The following ZPBP variants were observed in gnomAD, a reference collection of about 807,000 sequenced individuals.
ZPBP encodes the protein zona pellucida-binding protein 1.
ZPBP carries 26 observed loss-of-function variants against 44.8 expected under a neutral mutation model. That is an observed-to-expected ratio of 0.58 (90% confidence interval 0.43 to 0.81). The LOEUF (loss-of-function observed/expected upper bound fraction) is 0.81, where lower values mean the gene tolerates loss of function less well. Ranked by LOEUF, ZPBP falls within the 30% of genes least tolerant of loss-of-function variation. The probability of loss-of-function intolerance (pLI) is 0.00; values close to 1 mark genes in which losing one functional copy is unlikely to be tolerated. For synonymous variants in ZPBP, 174 were observed against 153.2 expected, an observed-to-expected ratio of 1.14 and a Z score of -1.00; for missense variants, 409 against 434.0, an observed-to-expected ratio of 0.94 and a Z score of 0.51.
At chr7:49,878,305 T>A (rs1463358135) in intron 2 of ZPBP, among the ~76,000 whole-genome samples, 1 of 152,160 alleles carries the variant, frequency 6.6e-6, no homozygotes, top group African/African-American at 2.4e-5. Context: ...CTCACATATT[T>A]ATGATTGTGT....
At chr7:49,992,010 C>T (rs1168937412) in intron 6 of ZPBP, among the ~76,000 whole-genome samples, 1 of 152,012 alleles carries the variant, frequency 6.6e-6, no homozygotes, top group African/African-American at 2.4e-5. Context: ...GAGAAAACTA[C>T]AAACCTAACG....
chr7:49,879,592 G>A (rs1251175395), intron 2 of ZPBP, among the ~76,000 whole-genome samples: 2 of 152,088 alleles, frequency 1.3e-5, no homozygotes, highest in Non-Finnish European at 2.9e-5. Flanking sequence ...GCACTTCTGG[G>A]TCCTGACCCA....
At chr7:50,009,630 A>C (rs527764373) in intron 6 of ZPBP, among the ~76,000 whole-genome samples, 1 of 152,194 alleles carries the variant, frequency 6.6e-6, no homozygotes, top group East Asian at 1.9e-4. Context: ...AACCATCCCT[A>C]AACATCTCAC....
chr7:50,056,597 A>G (rs1305184891), intron 4 of ZPBP, among the ~76,000 whole-genome samples: 1 of 152,200 alleles, frequency 6.6e-6, no homozygotes, highest in Non-Finnish European at 1.5e-5. Context: ...TCTGCCACAC[A>G]TGGGTCCCAC....
intron 7 of ZPBP, among the ~76,000 whole-genome samples, chr7:49,957,026 G>A (rs572817492): frequency 6.6e-6 from 1 of 152,246 alleles, no homozygotes; most frequent in African/African-American, 2.4e-5. Context: ...ATGAGGGCTT[G>A]GCCCTCATGA....
intron 2 of ZPBP, among the ~76,000 whole-genome samples, chr7:50,085,617 G>A (rs142106132): frequency 3.3e-5 from 5 of 152,134 alleles, no homozygotes; most frequent in African/African-American, 1.2e-4. Flanking sequence ...GGAAGACCTC[G>A]TATTAAAGGC....
intron 5 of ZPBP, among the ~76,000 whole-genome samples, chr7:50,023,206 T>C (rs533470545): frequency 6.3e-4 from 96 of 152,058 alleles, no homozygotes; most frequent in African/African-American, 2.2e-3. Context: ...GCCCTCTCAG[T>C]GTAAATTGAG....
chr7:50,024,386 G>A (rs189884538), intron 5 of ZPBP, among the ~76,000 whole-genome samples: 1 of 151,954 alleles, frequency 6.6e-6, no homozygotes, highest in Non-Finnish European at 1.5e-5. Context: ...ATTCATAACA[G>A]CCAAGATATG....
At chr7:50,013,362 C>T (rs1798672609) in intron 6 of ZPBP, among the ~76,000 whole-genome samples, 1 of 151,880 alleles carries the variant, frequency 6.6e-6, no homozygotes, top group Non-Finnish European at 1.5e-5. Context: ...TGGGAGAGCT[C>T]ATGAAGGAGA....
chr7:49,951,798 A>G (rs1468212239), intron 7 of ZPBP, among the ~76,000 whole-genome samples: 2 of 151,796 alleles, frequency 1.3e-5, no homozygotes, highest in Non-Finnish European at 3.0e-5. Context: ...TCACAGCAAC[A>G]GTATTCACAA....
intron 4 of ZPBP, among the ~76,000 whole-genome samples, chr7:50,035,357 T>A (rs1799782221): frequency 1.3e-5 from 2 of 152,224 alleles, no homozygotes. Context: ...GCCAGCACAG[T>A]TCAAGGCCAC....
chr7:49,938,099 A>G (rs1184512588), intron 7 of ZPBP, among the ~76,000 whole-genome samples: 1 of 152,172 alleles, frequency 6.6e-6, no homozygotes, highest in Non-Finnish European at 1.5e-5. Flanking sequence ...GACATAGACC[A>G]GTACTGTTCC....
intron 4 of ZPBP, among the ~76,000 whole-genome samples, chr7:50,042,289 G>T (rs551904529): frequency 8.1e-4 from 124 of 152,240 alleles, no homozygotes; most frequent in African/African-American, 2.9e-3. Flanking sequence ...AACCTAGCAA[G>T]ACAGGCCAAC....
At chr7:49,849,680 G>A (rs1478749074), downstream of ZPBP, among the ~76,000 whole-genome samples, 1 of 152,236 alleles carries the variant, frequency 6.6e-6, no homozygotes, top group African/African-American at 2.4e-5. Flanking sequence ...CCATTTGGTA[G>A]TGCCCTATTT....
At chr7:50,050,694 C>T (rs1800644243) in intron 4 of ZPBP, among the ~76,000 whole-genome samples, 1 of 149,330 alleles carries the variant, frequency 6.7e-6, no homozygotes, top group Non-Finnish European at 1.5e-5. Flanking sequence ...GAAAATTGAA[C>T]CTGGACCCTT....
At chr7:49,864,329 C>G (rs190794150) in intron 2 of ZPBP, among the ~76,000 whole-genome samples, 1 of 152,142 alleles carries the variant, frequency 6.6e-6, no homozygotes, top group African/African-American at 2.4e-5. Context: ...GTGCTTGGAC[C>G]TTCCTTCACC....
chr7:50,063,358 T>C (rs1285204072), intron 3 of ZPBP, among the ~76,000 whole-genome samples: 1 of 152,248 alleles, frequency 6.6e-6, no homozygotes, highest in Non-Finnish European at 1.5e-5. Flanking sequence ...CACAAAGATG[T>C]TCATAGAAAG....
chr7:49,952,911 A>G (rs1196601691), intron 7 of ZPBP, among the ~76,000 whole-genome samples: 4 of 152,100 alleles, frequency 2.6e-5, no homozygotes, highest in Non-Finnish European at 5.9e-5. Context: ...ATGGAATAAT[A>G]GGAAATCCAT....
At chr7:50,084,232 T>G (rs1349564755) in intron 2 of ZPBP, among the ~76,000 whole-genome samples, 1 of 151,674 alleles carries the variant, frequency 6.6e-6, no homozygotes, top group Non-Finnish European at 1.5e-5. Flanking sequence ...GAAGGAAGTG[T>G]GAACTGGTGC....
Sources: allele counts gnomAD v4.1 joint callset (sites outside exome capture counted in the v4.1 genomes callset), GRCh38; gene constraint gnomAD v4.1.1; transcripts MANE v1.5; gene names NCBI Gene and HGNC (gene_info 2026-07-23, HGNC 2026-07-21).